OTOGL: variants seen among roughly 807,000 people sequenced by gnomAD.
OTOGL encodes the protein otogelin-like protein.
In OTOGL, 285 loss-of-function variants were observed where a neutral mutation model predicts 318.5. The ratio of observed to expected loss-of-function variants is 0.89; its 90% CI spans 0.81 to 0.99. The LOEUF (loss-of-function observed/expected upper bound fraction) is 0.99. Ranked by LOEUF, OTOGL falls within the 50% of genes least tolerant of loss-of-function variation. OTOGL has a pLI of 0.00. For missense variants in OTOGL, 2,899 were observed against 2,845.6 expected (o/e 1.02, Z -0.43); for synonymous variants, 987 against 936.5 (o/e 1.05, Z -0.99).
In OTOGL at chr12:80,336,838, GT is replaced by G; in HGVS notation, c.4767+21del. On this transcript the variant is annotated intron_variant, in intron 41 of 58. Coordinates refer to ENST00000547103, the MANE Select transcript of OTOGL (RefSeq NM_001378609.3). The stretch of plus-strand genomic sequence containing the variant: ...AAAAGCTAGTGAGTATTTGCAAAGT[GT>G]TTAGTACATTCATTCTGTTTATCAC... The G allele has an allele frequency of 6.5e-7, 1 of 1,536,310 alleles. No individual in the cohort carries two copies.
At chr12:80,320,965 T>A (rs1338427208) in intron 34 of OTOGL, among the ~76,000 whole-genome samples, 1 of 152,154 alleles carries the variant, frequency 6.6e-6, no homozygotes. Context: ...CCTGATTTTT[T>A]ATTATTATTA....
intron 1 of OTOGL, among the ~76,000 whole-genome samples, chr12:80,155,407 G>A (rs573463928): frequency 6.6e-6 from 1 of 152,060 alleles, no homozygotes; most frequent in Admixed American, 6.6e-5. Context: ...TATTCTAGGG[G>A]TTTTATGGTT....
chr12:80,376,222 C>G (rs187144310), intron 57 of OTOGL, among the ~76,000 whole-genome samples: 2 of 152,032 alleles, frequency 1.3e-5, no homozygotes, highest in Admixed American at 1.3e-4. Context: ...ACCCATCTCT[C>G]CTTCAAGCAG....
intron 1 of OTOGL, among the ~76,000 whole-genome samples, chr12:80,135,533 A>G (rs1871512735): frequency 1.3e-5 from 2 of 152,032 alleles, no homozygotes; most frequent in African/African-American, 4.8e-5. Context: ...TTGGCCTCCC[A>G]AAGCACTGGG....
intron 1 of OTOGL, among the ~76,000 whole-genome samples, chr12:80,160,109 G>A (rs1484394116): frequency 6.6e-6 from 1 of 152,004 alleles, no homozygotes; most frequent in Non-Finnish European, 1.5e-5. Flanking sequence ...AGATGGATCT[G>A]GGACTTAAAT....
chr12:80,221,400 G>T (rs1878321652), intron 6 of OTOGL, among the ~76,000 whole-genome samples: 1 of 151,900 alleles, frequency 6.6e-6, no homozygotes, highest in South Asian at 2.1e-4. Flanking sequence ...GGGTAGCTGG[G>T]ATTACAGATG....
intron 57 of OTOGL, among the ~76,000 whole-genome samples, chr12:80,373,213 C>T (rs1403717942): frequency 1.3e-5 from 2 of 152,050 alleles, no homozygotes; most frequent in African/African-American, 4.8e-5. Flanking sequence ...TTGGGTGGAT[C>T]ACAAGGTCAG....
intron 1 of OTOGL, among the ~76,000 whole-genome samples, chr12:80,161,250 A>C (rs1873497950): frequency 6.6e-6 from 1 of 152,122 alleles, no homozygotes; most frequent in South Asian, 2.1e-4. Context: ...ATTTTTAAAA[A>C]GAGAAAGGTA....
chr12:80,145,413 C>G (rs1253932946), intron 1 of OTOGL, among the ~76,000 whole-genome samples: 1 of 151,882 alleles, frequency 6.6e-6, no homozygotes, highest in African/African-American at 2.4e-5. Flanking sequence ...TTCCATTGAT[C>G]TATATCTCTG....
At chr12:80,256,605 A>G in intron 17 of OTOGL, 145 bp downstream of exon 17, 1 of 1,257,470 alleles carries the variant, frequency 8.0e-7, no homozygotes, top group Non-Finnish European at 1.1e-6. Context: ...TCATCAGGCC[A>G]TCAGCTACAG....
chr12:80,213,950 T>C (rs998815844), intron 4 of OTOGL, among the ~76,000 whole-genome samples: 2 of 152,166 alleles, frequency 1.3e-5, no homozygotes, highest in Non-Finnish European at 2.9e-5. Context: ...CTCAGAAATA[T>C]GTTGGCAATG....
At chr12:80,286,944 G>A (rs941289903) in intron 26 of OTOGL, among the ~76,000 whole-genome samples, 9 of 151,860 alleles carry the variant, frequency 5.9e-5, no homozygotes, top group Non-Finnish European at 7.4e-5. Flanking sequence ...ATTTGTTTGC[G>A]CTTGCTTCTC....
intron 9 of OTOGL, among the ~76,000 whole-genome samples, chr12:80,237,667 G>GCC (rs2137427152): frequency 6.6e-6 from 1 of 152,216 alleles, no homozygotes; most frequent in African/African-American, 2.4e-5. Flanking sequence ...GGAGAACAGG[G>GCC]CCCAGCTCAT....
At chr12:80,307,477 G>A (rs1451314124) in intron 29 of OTOGL, among the ~76,000 whole-genome samples, 2 of 150,286 alleles carry the variant, frequency 1.3e-5, no homozygotes, top group Non-Finnish European at 3.0e-5. Context: ...GTGGCTGGCC[G>A]GGCAGAGGGG....
chr12:80,124,738 T>C (rs2137106146), intron 1 of OTOGL, among the ~76,000 whole-genome samples: 1 of 152,234 alleles, frequency 6.6e-6, no homozygotes, highest in Non-Finnish European at 1.5e-5. Flanking sequence ...TAGTTCTCCT[T>C]GAAGAGGTCC....
At chr12:80,136,650 C>A (rs1871589415) in intron 1 of OTOGL, among the ~76,000 whole-genome samples, 1 of 152,168 alleles carries the variant, frequency 6.6e-6, no homozygotes, top group African/African-American at 2.4e-5. Flanking sequence ...CATAATTTCT[C>A]TAGGCAGCTG....
At chr12:80,218,404 G>A (rs1877946387) in intron 5 of OTOGL, among the ~76,000 whole-genome samples, 2 of 152,204 alleles carry the variant, frequency 1.3e-5, no homozygotes, top group African/African-American at 2.4e-5. Flanking sequence ...AGGTGGAGAG[G>A]AATCATAAAG....
chr12:80,124,224 A>G (rs1417897318), intron 1 of OTOGL, among the ~76,000 whole-genome samples: 1 of 152,186 alleles, frequency 6.6e-6, no homozygotes, highest in African/African-American at 2.4e-5. Flanking sequence ...ATAAGGTGTA[A>G]GGAAGGGATC....
At chr12:80,270,053 A>C in intron 22 of OTOGL, 49 bp from the exon 23 acceptor site, 1 of 1,415,338 alleles carries the variant, frequency 7.1e-7, no homozygotes, top group East Asian at 2.3e-5. Flanking sequence ...GGGAAAAAAA[A>C]AAAAACAACA....
Sources: gnomAD v4.1 joint callset for allele counts (sites outside exome capture counted in the v4.1 genomes callset) on GRCh38, gnomAD v4.1.1 for gene constraint, MANE v1.5 for transcripts, NCBI Gene and HGNC (gene_info 2026-07-23, HGNC 2026-07-21) for gene names.